Variants in TTC19 observed in about 807,000 individuals in gnomAD.
TTC19 encodes tetratricopeptide repeat domain 19.
In TTC19, 38 loss-of-function variants were observed where a neutral mutation model predicts 49.5. The ratio of observed to expected loss-of-function variants is 0.77; its 90% CI spans 0.59 to 1.01. TTC19 has a LOEUF of 1.01. TTC19 is among the 50% of genes least tolerant of loss of function. TTC19 has a pLI of 0.00. For synonymous variants in TTC19, 204 were observed against 185.2 expected (o/e 1.10, Z -0.83); for missense variants, 475 against 477.7 (o/e 0.99, Z 0.05).
intron 7 of TTC19, chr17:16,024,427 CT>C (rs1971483808): frequency 2.6e-5 from 4 of 153,626 alleles, no homozygotes; most frequent in Non-Finnish European, 5.7e-5. Context: ...TCCTGAGTAG[CT>C]GGGACTACAG....
At chr17:16,010,001 G>C (rs1971018833) in intron 7 of TTC19, among the ~76,000 whole-genome samples, 2 of 151,840 alleles carry the variant, frequency 1.3e-5, no homozygotes, top group East Asian at 1.9e-4. Flanking sequence ...GTGTTTCTCT[G>C]AGTATTCTAT....
At position 16,018,139 on chromosome 17, in the gene TTC19, T is replaced by C. The variant is rs1259921290; in HGVS notation, c.677-6878T>C. On this transcript the variant is annotated intron_variant, in intron 7 of 9. Coordinates refer to ENST00000261647, the MANE Select transcript of TTC19 (RefSeq NM_017775.4). ...GCAGAGGAGAATTCTAAAGCCTGCA[T>C]ATTTGCCTTGTTTTTTAAATAGTCT... is the stretch of plus-strand genomic sequence containing the variant. 1.3e-5 allele frequency among the ~76,000 whole-genome samples: 2 copies of C among 152,228 alleles called. 1 individual carries two copies. Among genetic ancestry groups the C allele is most frequent in the Admixed American group, 1.3e-4 (2 of 15,280 alleles).
rs1971632752 is a variant in TTC19 at position 16,027,902 on chromosome 17, T to C, written c.*380T>C. The C allele has an allele frequency of 2.2e-6, 1 of 459,682 alleles. No homozygotes were observed. Among genetic ancestry groups the C allele is most frequent in the Non-Finnish European group, 4.3e-6 (1 of 230,372 alleles). The allele number at this position is 459,682 out of a possible 1,614,324, so 28.5% of individuals were successfully genotyped here. A position where few individuals can be genotyped will look rare whatever the true frequency, so the allele number is the denominator to read the frequency against. ...TTTTTGGTCTGCTGATTTGCTGCCCTGTCTTCTCTTACTTTACTTTATCAA... is the reference window on the plus strand; with the variant it reads ...TTTTTGGTCTGCTGATTTGCTGCCCCGTCTTCTCTTACTTTACTTTATCAA... On this transcript the variant is annotated 3_prime_UTR_variant, in exon 10 of 10. Transcript: ENST00000261647.
chr17:16,000,058 C>G (rs1043372092), intron 1 of TTC19, 26 bp downstream of exon 1: 28 of 1,290,278 alleles, frequency 2.2e-5, no homozygotes, highest in Non-Finnish European at 2.5e-5. Flanking sequence ...CGGGCGGGGC[C>G]GGCCGGGCGG....
chr17:16,032,478 T>C (rs757032658), downstream of TTC19: 1 of 1,570,860 alleles, frequency 6.4e-7, no homozygotes, highest in South Asian at 1.2e-5. Context: ...GGAAACTGAG[T>C]TGAGCCTGAC....
At chr17:16,001,617 TAGAA>T (rs1417658768) in intron 2 of TTC19, among the ~76,000 whole-genome samples, 2 of 152,134 alleles carry the variant, frequency 1.3e-5, no homozygotes, top group Non-Finnish European at 2.9e-5. Flanking sequence ...TGCAAGAAAT[TAGAA>T]AGAGGATGGA....
intron 2 of TTC19, chr17:16,040,735 A>C: frequency 1.9e-6 from 1 of 533,144 alleles, no homozygotes; most frequent in South Asian, 1.7e-5. Context: ...GGAACATCAA[A>C]AGAAGAGCAA....
chr17:16,011,493 T>G (rs1971068302), intron 7 of TTC19, among the ~76,000 whole-genome samples: 1 of 152,242 alleles, frequency 6.6e-6, no homozygotes, highest in Non-Finnish European at 1.5e-5. Context: ...TTTTTCATCC[T>G]GTAAGTTTCA....
chr17:16,013,627 G>A (rs1000815460), intron 7 of TTC19, among the ~76,000 whole-genome samples: 6 of 151,918 alleles, frequency 3.9e-5, no homozygotes, highest in African/African-American at 1.5e-4. Flanking sequence ...TTTCTTTTGG[G>A]GTTTTCCATT....
At chr17:16,008,594 G>A (rs1011193879) in intron 7 of TTC19, among the ~76,000 whole-genome samples, 1 of 152,152 alleles carries the variant, frequency 6.6e-6, no homozygotes, top group Non-Finnish European at 1.5e-5. Flanking sequence ...GCATGGACCT[G>A]TAAGGCGCTT....
Position 16,000,014 on chromosome 17 carries a change from C to T in TTC19, c.166C>T (p.Leu56=). The change falls in exon 1 of 10, where the codon CTG becomes TTG. Residue 56 remains leucine (L), a synonymous_variant. Transcript: ENST00000261647. ...CGCGCCGCACGGCCGGGGCCCAGGCCTGCTGCCGCTGCTGGCAGGTGAGGG... is the reference window on the plus strand; with the variant it reads ...CGCGCCGCACGGCCGGGGCCCAGGCTTGCTGCCGCTGCTGGCAGGTGAGGG... ...RVAPHGRGPG[L]LPLLAALAWF... 8.0e-7 allele frequency: 1 copy of T among 1,243,650 alleles called. No individual in the cohort carries two copies. The highest frequency in any genetic ancestry group is 1.0e-6 in the Non-Finnish European group (1 of 996,782). The allele number at this position is 1,243,650 out of a possible 1,614,324, so 77.0% of individuals were successfully genotyped here. A position where few individuals can be genotyped will look rare whatever the true frequency, so the allele number is the denominator to read the frequency against.
intron 2 of TTC19, among the ~76,000 whole-genome samples, chr17:16,042,025 T>C (rs760461108): frequency 9.9e-4 from 151 of 152,270 alleles, no homozygotes; most frequent in Middle Eastern, 3.4e-3. Flanking sequence ...TGAGCCACCG[T>C]GCCCGGCCAG....
At chr17:16,041,679 T>G (rs113031540) in intron 2 of TTC19, among the ~76,000 whole-genome samples, 2 of 152,124 alleles carry the variant, frequency 1.3e-5, no homozygotes, top group African/African-American at 4.8e-5. Flanking sequence ...CCTCCTAAAG[T>G]GCTGGGATTA....
downstream of TTC19, chr17:16,032,550 T>C (rs1305192921): frequency 7.7e-6 from 11 of 1,423,212 alleles, no homozygotes; most frequent in African/African-American, 1.2e-4. Flanking sequence ...ATCCAACTTT[T>C]GTAGGATGGA....
intron 3 of TTC19, among the ~76,000 whole-genome samples, chr17:16,002,365 C>T (rs769345612): frequency 2.6e-5 from 4 of 152,006 alleles, no homozygotes; most frequent in Non-Finnish European, 2.9e-5. Context: ...GTAGTAGAGA[C>T]GAGGTTTCAC....
At chr17:16,035,724 T>C (rs1171063037) in intron 2 of TTC19, among the ~76,000 whole-genome samples, 1 of 151,974 alleles carries the variant, frequency 6.6e-6, no homozygotes, top group Non-Finnish European at 1.5e-5. Context: ...AAAATTTTTG[T>C]AGAGATGGGG....
chr17:16,034,909 T>C, intron 2 of TTC19: 1 of 1,614,170 alleles, frequency 6.2e-7, no homozygotes, highest in Non-Finnish European at 8.5e-7. Flanking sequence ...TTCCTGCTGT[T>C]TGACTTGCTG....
chr17:16,039,712 C>G, intron 2 of TTC19: 1 of 1,449,258 alleles, frequency 6.9e-7, no homozygotes, highest in South Asian at 1.2e-5. Context: ...AGGAAACAAA[C>G]ATGCATTGCC....
chr17:16,042,635 G>A (rs1597725348), intron 2 of TTC19, among the ~76,000 whole-genome samples: 1 of 152,224 alleles, frequency 6.6e-6, no homozygotes, highest in East Asian at 1.9e-4. Flanking sequence ...TAGCAGAATG[G>A]AAGGTAGACA....
Sources: allele counts gnomAD v4.1 joint callset (sites outside exome capture counted in the v4.1 genomes callset), GRCh38; gene constraint gnomAD v4.1.1; transcripts MANE v1.5; gene names NCBI Gene and HGNC (gene_info 2026-07-23, HGNC 2026-07-21).